Variants in SIPA1L1 observed in about 807,000 individuals in gnomAD.
SIPA1L1 encodes the protein signal-induced proliferation-associated 1-like protein 1.
Under a neutral mutation model 162.7 loss-of-function variants are expected in SIPA1L1, and 26 were observed. That is an observed-to-expected ratio of 0.16 (90% CI 0.12 to 0.22). SIPA1L1 has a LOEUF of 0.22. SIPA1L1 is among the 10% of genes least tolerant of loss of function. The pLI is 1.00. For synonymous variants in SIPA1L1, 829 were observed against 837.4 expected (o/e 0.99, Z 0.17); for missense variants, 1,874 against 2,241.0 (o/e 0.84, Z 3.31).
At chr14:71,576,247 G>A (rs1008950163) in intron 4 of SIPA1L1, among the ~76,000 whole-genome samples, 1 of 152,198 alleles carries the variant, frequency 6.6e-6, no homozygotes, top group African/African-American at 2.4e-5. Flanking sequence ...CTGGTACAAG[G>A]AACATGGCTT....
intron 2 of SIPA1L1, among the ~76,000 whole-genome samples, chr14:71,397,340 C>T (rs2041284346): frequency 6.6e-6 from 1 of 152,096 alleles, no homozygotes; most frequent in Non-Finnish European, 1.5e-5. Context: ...ATTCCCACTA[C>T]CCCAGTTCAG....
intron 4 of SIPA1L1, among the ~76,000 whole-genome samples, chr14:71,535,527 T>G (rs1178304554): frequency 6.6e-6 from 1 of 152,056 alleles, no homozygotes; most frequent in Non-Finnish European, 1.5e-5. Flanking sequence ...GATGGAAAGA[T>G]AGGAAAGTCA....
At chr14:71,358,925 T>G (rs1434717215) in intron 2 of SIPA1L1, among the ~76,000 whole-genome samples, 2 of 152,120 alleles carry the variant, frequency 1.3e-5, no homozygotes, top group Non-Finnish European at 2.9e-5. Context: ...TCATGAAGGA[T>G]CTACCCCTAA....
intron 2 of SIPA1L1, among the ~76,000 whole-genome samples, chr14:71,349,096 T>C (rs1435365730): frequency 6.6e-6 from 1 of 152,212 alleles, no homozygotes; most frequent in Non-Finnish European, 1.5e-5. Flanking sequence ...AAGTTATATA[T>C]GACGTGGGAG....
intron 2 of SIPA1L1, among the ~76,000 whole-genome samples, chr14:71,501,155 A>T (rs146219872): frequency 6.6e-6 from 1 of 152,110 alleles, no homozygotes; most frequent in African/African-American, 2.4e-5. Context: ...CGTCATCTCT[A>T]TAAAAAATTT....
At chr14:71,570,341 C>T (rs1255892012) in intron 4 of SIPA1L1, among the ~76,000 whole-genome samples, 1 of 151,990 alleles carries the variant, frequency 6.6e-6, no homozygotes, top group Non-Finnish European at 1.5e-5. Flanking sequence ...GGCATGATCT[C>T]GGTTCACTGC....
intron 4 of SIPA1L1, among the ~76,000 whole-genome samples, chr14:71,562,488 G>A (rs2056873761): frequency 1.3e-5 from 2 of 151,972 alleles, no homozygotes; most frequent in Admixed American, 6.6e-5. Context: ...AACTTCATTT[G>A]TGTACATCAA....
chr14:71,563,308 C>T (rs1024090502), intron 4 of SIPA1L1, among the ~76,000 whole-genome samples: 1 of 148,920 alleles, frequency 6.7e-6, no homozygotes, highest in Non-Finnish European at 1.5e-5. Context: ...AGTACCTCCT[C>T]GTTTTTTTTT....
At chr14:71,585,477 A>G (rs1470685564) in intron 4 of SIPA1L1, among the ~76,000 whole-genome samples, 1 of 152,246 alleles carries the variant, frequency 6.6e-6, no homozygotes, top group Non-Finnish European at 1.5e-5. Flanking sequence ...TGGAAGAGAA[A>G]TACTGATGGT....
At chr14:71,684,287 A>T (rs193235981) in intron 12 of SIPA1L1, among the ~76,000 whole-genome samples, 10 of 152,368 alleles carry the variant, frequency 6.6e-5, no homozygotes, top group South Asian at 4.1e-4. Context: ...TAAGGAGTCA[A>T]CACTGAGATA....
Position 71,377,412 on chromosome 14 carries a change from C to T in SIPA1L1, c.-465+56231C>T, listed in dbSNP as rs1328629940. Reference sequence around the variant, plus strand: ...CCGGGCAGAGGCACTCCTCACCTCCCAGACAGGGTGGCAGCCGGGTAGAGA... The same window carrying T: ...CCGGGCAGAGGCACTCCTCACCTCCTAGACAGGGTGGCAGCCGGGTAGAGA... On this transcript the variant is annotated intron_variant, in intron 2 of 23. Transcript: ENST00000381232. The surrounding 1 kb of genome is among the most constrained non-coding windows in gnomAD (Gnocchi z 4.8). Among the ~76,000 whole-genome samples, 1 of 151,920 alleles carries T rather than the reference C, an allele frequency of 6.6e-6. No homozygotes were observed. Among genetic ancestry groups the T allele is most frequent in the Non-Finnish European group, 1.5e-5 (1 of 67,942 alleles).
intron 2 of SIPA1L1, among the ~76,000 whole-genome samples, chr14:71,443,933 AC>A (rs567883197): frequency 1.0e-3 from 153 of 152,300 alleles, no homozygotes; most frequent in Non-Finnish European, 1.7e-3. Context: ...ATTCCTTGGC[AC>A]CTGCCTAGGT....
At chr14:71,371,782 T>A (rs1469587132) in intron 2 of SIPA1L1, among the ~76,000 whole-genome samples, 1 of 152,186 alleles carries the variant, frequency 6.6e-6, no homozygotes, top group Non-Finnish European at 1.5e-5. Context: ...TGGATGGTTG[T>A]TTCTCAATAA....
At chr14:71,676,082 C>T (rs2045140158) in intron 12 of SIPA1L1, among the ~76,000 whole-genome samples, 1 of 133,924 alleles carries the variant, frequency 7.5e-6, no homozygotes, top group Non-Finnish European at 1.6e-5. Flanking sequence ...CATGGTGAGG[C>T]TGGTCTCAAA....
intron 2 of SIPA1L1, among the ~76,000 whole-genome samples, chr14:71,419,073 G>A (rs1267499654): frequency 2.6e-5 from 4 of 152,144 alleles, no homozygotes; most frequent in African/African-American, 9.7e-5. Context: ...CAGAGCAGGG[G>A]TGTTTCCTGA....
rs966988867 is a variant in SIPA1L1, at chr14:71,671,116, C to T, written c.2256-3C>T. 1.3e-6 allele frequency: 2 copies of T among 1,582,686 alleles called. No homozygotes were observed. The highest frequency in any genetic ancestry group is 1.7e-6 in the Non-Finnish European group (2 of 1,163,622). On this transcript the variant is annotated splice_polypyrimidine_tract_variant and splice_region_variant and intron_variant, in intron 10 of 23. Coordinates refer to ENST00000381232, the MANE Select transcript of SIPA1L1 (RefSeq NM_001386936.1). ...GTGGCTCTCTTTGATCTTTGTCTCT[C>T]AGTGTGGCTGTTACCAGGTCCAGAG... is the stretch of plus-strand genomic sequence containing the variant.
chr14:71,738,687 GC>G (rs1363915740), intron 23 of SIPA1L1, among the ~76,000 whole-genome samples: 4 of 152,064 alleles, frequency 2.6e-5, no homozygotes, highest in Non-Finnish European at 5.9e-5. Flanking sequence ...TTTTTGGGTG[GC>G]CTTGACTATA....
intron 4 of SIPA1L1, among the ~76,000 whole-genome samples, chr14:71,543,708 T>A (rs958190762): frequency 6.6e-6 from 1 of 151,338 alleles, no homozygotes; most frequent in Non-Finnish European, 1.5e-5. Flanking sequence ...TTTCTTTTTT[T>A]TTTTTTTGCA....
At chr14:71,532,108 ATAT>A (rs1455862037) in intron 4 of SIPA1L1, among the ~76,000 whole-genome samples, 2 of 152,128 alleles carry the variant, frequency 1.3e-5, no homozygotes, top group East Asian at 3.9e-4. Flanking sequence ...TAATTTATAC[ATAT>A]TATATCCATG....
Sources: gnomAD v4.1 joint callset for allele counts (sites outside exome capture counted in the v4.1 genomes callset) on GRCh38, gnomAD v4.1.1 for gene constraint, Gnocchi (gnomAD v3.1) non-coding constraint, MANE v1.5 for transcripts, NCBI Gene and HGNC (gene_info 2026-07-23, HGNC 2026-07-21) for gene names.